The following TMBIM6 variants were observed in gnomAD, a reference collection of about 807,000 sequenced individuals.
TMBIM6 encodes bax inhibitor 1.
Under a neutral mutation model 31.4 loss-of-function variants are expected in TMBIM6, and 13 were observed. The observed-to-expected ratio is 0.41, with a 90% confidence interval of 0.27 to 0.66. The LOEUF (loss-of-function observed/expected upper bound fraction) is 0.66, where lower values mean the gene tolerates loss of function less well. Ranked by LOEUF, TMBIM6 falls within the 30% of genes least tolerant of loss-of-function variation. The pLI, the probability that TMBIM6 is intolerant of heterozygous loss-of-function variation, is 0.28. For missense variants in TMBIM6, 275 were observed against 289.5 expected, an observed-to-expected ratio of 0.95 and a Z score of 0.36; for synonymous variants, 85 against 101.7, an observed-to-expected ratio of 0.84 and a Z score of 0.99.
At chr12:49,757,360 T>G (rs1157085803) in intron 4 of TMBIM6, among the ~76,000 whole-genome samples, 1 of 152,194 alleles carries the variant, frequency 6.6e-6, no homozygotes, top group Non-Finnish European at 1.5e-5. Context: ...AAACTAGACT[T>G]GAGAATCCGA....
intron 9 of TMBIM6, among the ~76,000 whole-genome samples, chr12:49,762,492 C>T (rs1038461795): frequency 6.6e-6 from 1 of 152,220 alleles, no homozygotes; most frequent in Non-Finnish European, 1.5e-5. Flanking sequence ...TGGAGCACTT[C>T]TCGCGCCTAA....
chr12:49,745,141 C>T (rs1945366893), intron 1 of TMBIM6, among the ~76,000 whole-genome samples: 1 of 152,112 alleles, frequency 6.6e-6, no homozygotes, highest in Non-Finnish European at 1.5e-5. Flanking sequence ...TGAAACAATT[C>T]CTTGGATGGT....
Position 49,755,684 on chromosome 12 carries a change from T to C in TMBIM6, c.215T>C (p.Met72Thr). 1.2e-6 allele frequency: 2 copies of C among 1,614,218 alleles called. No individual in the cohort carries two copies. The highest frequency in any genetic ancestry group is 2.2e-5 in the South Asian group (2 of 91,084). ...TCCCTGATATTGATGATTTGGCTGA[T>C]GGCAACACCTCATAGCCATGAAACT... Reference protein sequence around the residue: ...LGSLILMIWLMATPHSHETEQ... With the variant: ...LGSLILMIWLTATPHSHETEQ... The change falls in exon 4 of 10, where the codon ATG becomes ACG. Residue 72 changes from methionine (M) to threonine (T), a missense_variant. Physicochemically the swap from Met to Thr is moderately conservative, Grantham distance 81. Coordinates refer to ENST00000267115, the MANE Select transcript of TMBIM6 (RefSeq NM_003217.3).
At chr12:49,746,080 CT>C (rs552800208) in intron 1 of TMBIM6, among the ~76,000 whole-genome samples, 275 of 143,782 alleles carry the variant, frequency 1.9e-3, no homozygotes, top group Middle Eastern at 3.6e-3. Flanking sequence ...TCTTTTCTCT[CT>C]TTTTTTTTTT....
chr12:49,749,867 G>A (rs1348554764), intron 1 of TMBIM6: 1 of 152,148 alleles, frequency 6.6e-6, no homozygotes, highest in South Asian at 2.1e-4. Context: ...GTAAGTCAGG[G>A]ACCATCTGCT....
intron 1 of TMBIM6, among the ~76,000 whole-genome samples, chr12:49,746,580 G>A (rs1005361197): frequency 9.9e-5 from 15 of 152,158 alleles, no homozygotes; most frequent in African/African-American, 3.6e-4. Context: ...TTTTACACAT[G>A]GTAGGTGAAA....
intron 1 of TMBIM6, among the ~76,000 whole-genome samples, chr12:49,744,249 C>T (rs1017507337): frequency 8.5e-5 from 13 of 152,098 alleles, no homozygotes; most frequent in Admixed American, 2.6e-4. Flanking sequence ...GCTGGCCTGA[C>T]GAGTTTCATT....
At position 49,755,643 on chromosome 12, in the gene TMBIM6, G is replaced by T; in HGVS notation, c.174G>T (p.Leu58=). ...GATTCTGACTCTAACAGGCTGGCCT[G>T]CTGTCTGCCTTGGGCTCCCTGATAT... is the stretch of plus-strand genomic sequence containing the variant. ...HMVTHFIQAG[L]LSALGSLILM... is the part of the protein sequence containing the mutation. Residue 58 remains leucine, a synonymous_variant, in exon 4 of 10, where the codon CTG becomes CTT. Coordinates refer to ENST00000267115, the MANE Select transcript of TMBIM6 (RefSeq NM_003217.3). The T allele has an allele frequency of 6.2e-7, 1 of 1,613,838 alleles. No individual in the cohort carries two copies. Among genetic ancestry groups the T allele is most frequent in the South Asian group, 1.1e-5 (1 of 91,008 alleles).
chr12:49,742,765 A>T (rs909164041), intron 1 of TMBIM6, among the ~76,000 whole-genome samples: 4 of 152,218 alleles, frequency 2.6e-5, no homozygotes, highest in African/African-American at 9.6e-5. Context: ...TTCTGTAATT[A>T]TTGTATTTAC....
chr12:49,758,338 C>T lies in TMBIM6; in HGVS notation c.336-45C>T, dbSNP rs370854195. On this transcript the variant is annotated intron_variant, in intron 5 of 9. Coordinates refer to ENST00000267115, the MANE Select transcript of TMBIM6 (RefSeq NM_003217.3). ...TATGAATATACCTTCTAAATGTAGA[C>T]CGTATACCTGTAGCCCTTAATCTAA... 6 of 1,612,752 alleles carry T rather than the reference C, an allele frequency of 3.7e-6. No homozygotes were observed. In the African/African-American group the frequency reaches 4.0e-5, roughly 11 times the overall value.
chr12:49,753,775 G>A (rs1224038707), intron 3 of TMBIM6, among the ~76,000 whole-genome samples: 12 of 152,162 alleles, frequency 7.9e-5, no homozygotes, highest in East Asian at 7.7e-4. Context: ...GACACTCAAA[G>A]GATAGGGCTT....
At chr12:49,759,956 C>CA (rs1565573175) in intron 8 of TMBIM6, among the ~76,000 whole-genome samples, 1 of 150,754 alleles carries the variant, frequency 6.6e-6, no homozygotes, top group Admixed American at 6.6e-5. Context: ...ACTAAAAATA[C>CA]AAAAAATTAG....
chr12:49,743,556 A>AT (rs1311434946), intron 1 of TMBIM6: 7 of 152,182 alleles, frequency 4.6e-5, no homozygotes, highest in Non-Finnish European at 7.3e-5. Flanking sequence ...CTCCTGAAGA[A>AT]TAAGAAAAGG....
intron 3 of TMBIM6, among the ~76,000 whole-genome samples, chr12:49,754,966 GT>G (rs536481165): frequency 4.6e-5 from 7 of 151,894 alleles, no homozygotes; most frequent in Non-Finnish European, 1.0e-4. Context: ...GTTGGTTTTT[GT>G]TTTTTTGAGA....
chr12:49,749,557 C>G (rs1945458200), intron 1 of TMBIM6: 1 of 151,894 alleles, frequency 6.6e-6, no homozygotes, highest in African/African-American at 2.4e-5. Flanking sequence ...CTCAGCCTCC[C>G]AAGTAGCTGG....
At chr12:49,746,846 G>A (rs1036864076) in intron 1 of TMBIM6, among the ~76,000 whole-genome samples, 1 of 151,396 alleles carries the variant, frequency 6.6e-6, no homozygotes, top group Non-Finnish European at 1.5e-5. Flanking sequence ...TTTTGTTTTT[G>A]TTTTTTTGAG....
rs1462469213 is a variant in TMBIM6, at chr12:49,764,278, G to A, written c.*1382G>A. On this transcript the variant is annotated 3_prime_UTR_variant, in exon 10 of 10. Coordinates refer to ENST00000267115, the MANE Select transcript of TMBIM6 (RefSeq NM_003217.3). Reference sequence around the variant, plus strand: ...CTCTGAGCTGCTCTACAGAGCTTCAGTGTGAGAGGATCGAGCCATTGAAAG... The same window carrying A: ...CTCTGAGCTGCTCTACAGAGCTTCAATGTGAGAGGATCGAGCCATTGAAAG... 2.0e-5 allele frequency: 3 copies of A among 152,190 alleles called. No individual in the cohort carries two copies. The highest frequency in any genetic ancestry group is 7.2e-5 in the African/African-American group (3 of 41,442). 9.4% of individuals were successfully genotyped at this position (152,190 alleles called of 1,614,324 possible). A position where few individuals can be genotyped will look rare whatever the true frequency, so the allele number is the denominator to read the frequency against.
intron 2 of TMBIM6, 48 bp downstream of exon 2, chr12:49,752,597 T>G: frequency 6.9e-7 from 1 of 1,442,886 alleles, no homozygotes; most frequent in Non-Finnish European, 9.7e-7. Flanking sequence ...TCTTTTCATA[T>G]CTCTTTGTCC....
At chr12:49,752,386 G>C in intron 1 of TMBIM6, 78 bp from the exon 2 acceptor site, 1 of 983,742 alleles carries the variant, frequency 1.0e-6, no homozygotes, top group Non-Finnish European at 1.5e-6. Context: ...GAACTTACAT[G>C]TTGCTTTTTT....
Sources: gnomAD v4.1 joint callset for allele counts (sites outside exome capture counted in the v4.1 genomes callset) on GRCh38, gnomAD v4.1.1 for gene constraint, MANE v1.5 for transcripts, NCBI Gene and HGNC (gene_info 2026-07-23, HGNC 2026-07-21) for gene names.